RRN3: variants seen among roughly 807,000 people sequenced by gnomAD.
The protein encoded by RRN3 is RNA polymerase I-specific transcription initiation factor RRN3.
Under a neutral mutation model 82.3 loss-of-function variants are expected in RRN3, and 38 were observed. The observed-to-expected ratio is 0.46, with a 90% CI of 0.36 to 0.61. RRN3 has a LOEUF of 0.61. Ranked by LOEUF, RRN3 falls within the 20% of genes least tolerant of loss-of-function variation. RRN3 has a pLI of 0.00. For missense variants in RRN3, 726 were observed against 793.1 expected (o/e 0.92, Z 1.02); for synonymous variants, 284 against 284.3 (o/e 1.00, Z 0.01).
chr16:15,080,167 T>G, intron 8 of RRN3, 71 bp from the exon 9 acceptor site: 1 of 1,499,966 alleles, frequency 6.7e-7, no homozygotes, highest in Non-Finnish European at 8.9e-7. Context: ...AAGCAAAACA[T>G]CAATTACATG....
At position 15,066,762 on chromosome 16, in the gene RRN3, C is replaced by T. The variant is rs562654673; in HGVS notation, c.1554-1391G>A. 2.4e-3 allele frequency among the ~76,000 whole-genome samples: 364 copies of T among 151,434 alleles called. 2 individuals are homozygous for T. The highest frequency in any genetic ancestry group is 8.5e-3 in the African/African-American group (351 of 41,406). On this transcript the variant is annotated intron_variant, in intron 15 of 17. Transcript: ENST00000198767. Reference sequence around the variant, plus strand: ...GCTTTGTGTCAATATGGTTCAATCTCAAAAGCATCAAGCAGGCAAAAGCAA... The same window carrying T: ...GCTTTGTGTCAATATGGTTCAATCTTAAAAGCATCAAGCAGGCAAAAGCAA...
Position 15,085,696 on chromosome 16 carries a change from G to A in RRN3, c.475C>T (p.Arg159Ter), listed in dbSNP as rs756505606. 9.9e-6 allele frequency: 16 copies of A among 1,612,934 alleles called. No individual in the cohort carries two copies. Among genetic ancestry groups the A allele is most frequent in the Admixed American group, 1.7e-5 (1 of 59,974 alleles). The change falls in exon 6 of 18, where the codon CGA becomes TGA. Residue 159 changes from arginine to a stop codon, truncating the protein, a stop_gained and splice_region_variant. Coordinates refer to ENST00000198767, the MANE Select transcript of RRN3 (RefSeq NM_018427.5). LOFTEE classifies it high-confidence loss of function. The part of the protein sequence containing the change: ...SMIASHFVPP[R>*]VIIKEGDVDV... ...ACATCGCCTTCCTTAATGATCACTC[G>A]GGCTTTTGAGGGAAAAAGAAAATAT...
At position 15,073,056 on chromosome 16, in the gene RRN3, T is replaced by C; in HGVS notation, c.1022A>G (p.Lys341Arg). The change falls in exon 12 of 18, where the codon AAG (lysine) becomes AGG (arginine). Residue 341 changes from lysine to arginine, a missense_variant. Coordinates refer to ENST00000198767, the MANE Select transcript of RRN3 (RefSeq NM_018427.5). ...VDGKVDNGKTKDLYRDLINIF... is the reference protein window; with the variant it reads ...VDGKVDNGKTRDLYRDLINIF... Reference sequence around the variant, plus strand: ...GTTTATCAGGTCGCGATATAGATCCTTTGTTTTGCCGTTATCAACCTTACC... The same window carrying C: ...GTTTATCAGGTCGCGATATAGATCCCTTGTTTTGCCGTTATCAACCTTACC... 1 of 1,611,988 alleles carries C rather than the reference T, an allele frequency of 6.2e-7. No individual in the cohort carries two copies. Among genetic ancestry groups the C allele is most frequent in the Non-Finnish European group, 8.5e-7 (1 of 1,179,558 alleles).
At chr16:15,091,630 C>T (rs1352087509) in intron 2 of RRN3, among the ~76,000 whole-genome samples, 4 of 152,032 alleles carry the variant, frequency 2.6e-5, no homozygotes, top group African/African-American at 9.7e-5. Flanking sequence ...ATAGTTGATA[C>T]TCCTGCGAAT....
chr16:15,073,629 T>C (rs1266142504), intron 11 of RRN3, among the ~76,000 whole-genome samples: 2 of 152,182 alleles, frequency 1.3e-5, no homozygotes, highest in African/African-American at 2.4e-5. Flanking sequence ...TGAAGAGCAA[T>C]TCTATCATTC....
chr16:15,079,641 G>A (rs2045613181), intron 9 of RRN3, among the ~76,000 whole-genome samples: 1 of 151,296 alleles, frequency 6.6e-6, no homozygotes, highest in South Asian at 2.1e-4. Flanking sequence ...CGCCCAGGCT[G>A]GAGTGCAGTG....
chr16:15,084,971 C>T (rs1567218129), intron 6 of RRN3, among the ~76,000 whole-genome samples: 2 of 152,074 alleles, frequency 1.3e-5, no homozygotes, highest in Non-Finnish European at 2.9e-5. Flanking sequence ...GAGGCTGAAG[C>T]AGGAGAACCA....
rs976946412 is a variant in RRN3, at chr16:15,076,744, A to T, written c.766-94T>A. ...AAATTCATCTGATATACGCATGTTC[A>T]AGGTGTCCAGATTAGTGCCTTATAT... is the stretch of plus-strand genomic sequence containing the variant. On this transcript the variant is annotated intron_variant, in intron 9 of 17. Coordinates refer to ENST00000198767, the MANE Select transcript of RRN3 (RefSeq NM_018427.5). 1.2e-5 allele frequency: 10 copies of T among 860,678 alleles called. No homozygotes were observed. In the Admixed American group the frequency reaches 2.0e-4, roughly 17 times the overall value. The allele number at this position is 860,678 out of a possible 1,614,324, so 53.3% of individuals were successfully genotyped here.
At chr16:15,076,338 A>G in intron 10 of RRN3, 3 of 601,108 alleles carry the variant, frequency 5.0e-6, no homozygotes, top group Non-Finnish European at 8.9e-6. Context: ...ACAAAAGTGA[A>G]ACATACTTCA....
chr16:15,092,308 T>C (rs1204227380), intron 2 of RRN3, among the ~76,000 whole-genome samples: 3 of 152,244 alleles, frequency 2.0e-5, no homozygotes, highest in Admixed American at 2.0e-4. Flanking sequence ...CTCTCATTAT[T>C]ACCTGTGAAA....
intron 6 of RRN3, among the ~76,000 whole-genome samples, chr16:15,085,395 C>T (rs560182637): frequency 1.6e-4 from 24 of 152,238 alleles, no homozygotes; most frequent in African/African-American, 4.6e-4. Context: ...AAGCAATCCA[C>T]CCACTTAAGC....
At chr16:15,089,900 C>T (rs2046063086) in intron 3 of RRN3, among the ~76,000 whole-genome samples, 2 of 147,864 alleles carry the variant, frequency 1.4e-5, no homozygotes, top group Admixed American at 6.8e-5. Context: ...ACAAGGAATA[C>T]AAGGCTTAAA....
intron 1 of RRN3, among the ~76,000 whole-genome samples, chr16:15,093,389 C>T (rs957475216): frequency 6.6e-6 from 1 of 152,184 alleles, no homozygotes; most frequent in African/African-American, 2.4e-5. Flanking sequence ...TCTCCCTTCT[C>T]CCTCCCCCAT....
Position 15,060,982 on chromosome 16 carries a change from TTCAG to T in RRN3, c.*758_*761del, listed in dbSNP as rs1369470294. On this transcript the variant is annotated 3_prime_UTR_variant, in exon 18 of 18. Transcript: ENST00000198767. ...TGTTTTACACAAGCCCGAACTCACT[TTCAG>T]TCTGTGTGAATTACATCTACCTGGA... 4.3e-4 allele frequency: 66 copies of T among 152,262 alleles called. No individual in the cohort carries two copies. Among genetic ancestry groups the T allele is most frequent in the African/African-American group, 1.5e-3 (62 of 41,460 alleles). 9.4% of individuals were successfully genotyped at this position (152,262 alleles called of 1,614,324 possible).
intron 17 of RRN3, among the ~76,000 whole-genome samples, chr16:15,062,280 T>C (rs1241376999): frequency 6.6e-6 from 1 of 152,210 alleles, no homozygotes; most frequent in Non-Finnish European, 1.5e-5. Flanking sequence ...TGAAGCTCAA[T>C]GGGGACAGGA....
chr16:15,073,037 C>T lies in RRN3; in HGVS notation c.1041G>A (p.Leu347=). Residue 347 remains leucine (L), a synonymous_variant, in exon 12 of 18, where the codon CTG becomes CTA. Coordinates refer to ENST00000198767, the MANE Select transcript of RRN3 (RefSeq NM_018427.5). The part of the protein sequence containing the change: ...NGKTKDLYRD[L]INIFDKLLLP... Reference sequence around the variant, plus strand: ...ACAGGAGTTTGTCAAAGATGTTTATCAGGTCGCGATATAGATCCTTTGTTT... The same window carrying T: ...ACAGGAGTTTGTCAAAGATGTTTATTAGGTCGCGATATAGATCCTTTGTTT... 6.2e-7 allele frequency: 1 copy of T among 1,613,076 alleles called. No homozygotes were observed. The highest frequency in any genetic ancestry group is 8.5e-7 in the Non-Finnish European group (1 of 1,179,778).
At chr16:15,067,851 G>C (rs527700324) in intron 15 of RRN3, among the ~76,000 whole-genome samples, 2 of 152,106 alleles carry the variant, frequency 1.3e-5, no homozygotes, top group South Asian at 4.1e-4. Context: ...TTGACTTCCT[G>C]GGCTCAAGTG....
At chr16:15,081,986 C>G (rs548101653) in intron 8 of RRN3, among the ~76,000 whole-genome samples, 6 of 152,290 alleles carry the variant, frequency 3.9e-5, no homozygotes, top group Admixed American at 3.3e-4. Context: ...ATGCTGAACT[C>G]ATTTATTATC....
At chr16:15,085,931 A>G (rs35429473) in intron 5 of RRN3, among the ~76,000 whole-genome samples, 198 bp downstream of exon 5, 15,075 of 152,228 alleles carry the variant, frequency 0.099, 971 homozygotes, top group Middle Eastern at 0.19. Context: ...AATAAAGCAA[A>G]TAAATTCATA....
Sources: gnomAD v4.1 joint callset for allele counts (sites outside exome capture counted in the v4.1 genomes callset) on GRCh38, gnomAD v4.1.1 for gene constraint, MANE v1.5 for transcripts, NCBI Gene and HGNC (gene_info 2026-07-23, HGNC 2026-07-21) for gene names.